The following ASB4 variants were observed in gnomAD, a reference collection of about 807,000 sequenced individuals.
ASB4 encodes ankyrin repeat and SOCS box containing 4, also known as ankyrin repeat and SOCS box protein 4.
ASB4 carries 35 observed loss-of-function variants against 38.6 expected under a neutral mutation model. The observed-to-expected ratio is 0.91, with a 90% confidence interval of 0.69 to 1.20. The LOEUF (loss-of-function observed/expected upper bound fraction) is 1.20, where lower values mean the gene tolerates loss of function less well. Among genes scored for constraint, ASB4 ranks in the 50% most tolerant of loss-of-function variants. The pLI is 0.00. For synonymous variants in ASB4, 195 were observed against 201.3 expected (o/e 0.97, Z 0.26); for missense variants, 557 against 527.2 (o/e 1.06, Z -0.55).
At chr7:95,490,336 C>G (rs1353522388) in intron 1 of ASB4, among the ~76,000 whole-genome samples, 2 of 152,124 alleles carry the variant, frequency 1.3e-5, no homozygotes, top group Non-Finnish European at 2.9e-5. Flanking sequence ...GGTTCTTTTC[C>G]TTTCTTCGAT....
chr7:95,528,005 A>G lies in ASB4; in HGVS notation c.680A>G (p.Tyr227Cys). 1.2e-6 allele frequency: 2 copies of G among 1,614,142 alleles called. No individual in the cohort carries two copies. Among genetic ancestry groups the G allele is most frequent in the South Asian group, 1.1e-5 (1 of 91,078 alleles). Residue 227 changes from tyrosine to cysteine, a missense_variant, in exon 3 of 5, where the codon TAC (tyrosine) becomes TGC (cysteine). Coordinates refer to ENST00000325885, the MANE Select transcript of ASB4 (RefSeq NM_016116.3). ...YWALRFKEQE[Y>C]STEHHLVCRM... ...GCCCTCCGCTTTAAGGAGCAGGAGT[A>G]CAGCACGGAGCACCACCTGGTCTGC... is the stretch of plus-strand genomic sequence containing the variant.
intron 1 of ASB4, among the ~76,000 whole-genome samples, chr7:95,495,019 A>G (rs1030309950): frequency 5.3e-5 from 8 of 152,224 alleles, no homozygotes; most frequent in Non-Finnish European, 8.8e-5. Flanking sequence ...GCAAATTTGC[A>G]ATGCCATTCT....
At chr7:95,473,288 G>A in the ASB4 span, among the ~76,000 whole-genome samples, 3 of 152,314 alleles carry the variant, frequency 2.0e-5, no homozygotes, top group Admixed American at 6.5e-5. Flanking sequence ...AGATACCCTT[G>A]TAAGGGCTTT....
chr7:95,544,020 C>G (rs1791002982), downstream of ASB4: 1 of 152,058 alleles, frequency 6.6e-6, no homozygotes, highest in South Asian at 2.1e-4. Flanking sequence ...AAATACAATT[C>G]TGATCCTTTA....
chr7:95,509,321 C>T (rs1416309430), intron 2 of ASB4, among the ~76,000 whole-genome samples: 1 of 151,790 alleles, frequency 6.6e-6, no homozygotes, highest in Non-Finnish European at 1.5e-5. Flanking sequence ...AAAAGAACAC[C>T]CAGCTATATA....
At chr7:95,488,900 A>T (rs1016527961) in intron 1 of ASB4, among the ~76,000 whole-genome samples, 2 of 152,226 alleles carry the variant, frequency 1.3e-5, no homozygotes, top group Non-Finnish European at 2.9e-5. Flanking sequence ...AATGCACAAA[A>T]CCTATAACGA....
At chr7:95,506,832 T>A (rs1790416445) in intron 2 of ASB4, among the ~76,000 whole-genome samples, 1 of 152,228 alleles carries the variant, frequency 6.6e-6, no homozygotes, top group Non-Finnish European at 1.5e-5. Flanking sequence ...AATTATTTCC[T>A]GGGTGAGTTC....
At chr7:95,507,946 T>TG (rs1214422474) in intron 2 of ASB4, among the ~76,000 whole-genome samples, 3 of 151,324 alleles carry the variant, frequency 2.0e-5, no homozygotes, top group South Asian at 2.1e-4. Context: ...GAAGTCAGAG[T>TG]GGGGGGGATT....
intron 2 of ASB4, among the ~76,000 whole-genome samples, chr7:95,500,741 GGAAC>G (rs1790324598): frequency 2.0e-5 from 3 of 152,024 alleles, no homozygotes; most frequent in Admixed American, 6.6e-5. Flanking sequence ...CTGAAAGACT[GGAAC>G]CTTTCAGTTA....
chr7:95,481,290 G>T (rs746708308), upstream of ASB4, among the ~76,000 whole-genome samples: 1 of 151,888 alleles, frequency 6.6e-6, no homozygotes, highest in Non-Finnish European at 1.5e-5. Flanking sequence ...CCAGTTGCTG[G>T]TGTTACTTAC....
At chr7:95,496,124 C>A (rs1790245230) in intron 2 of ASB4, 67 bp downstream of exon 2, 1 of 1,424,180 alleles carries the variant, frequency 7.0e-7, no homozygotes, top group African/African-American at 1.4e-5. Flanking sequence ...ACTTTGTGAC[C>A]CCTACCTACC....
At chr7:95,497,497 A>G (rs1020329807) in intron 2 of ASB4, among the ~76,000 whole-genome samples, 1 of 152,194 alleles carries the variant, frequency 6.6e-6, no homozygotes, top group African/African-American at 2.4e-5. Context: ...TTTTTGAGGT[A>G]AAGAAACTTG....
chr7:95,515,300 TCTTTCTTTCTTTCTTTCTTC>T (rs1433979514), intron 2 of ASB4, among the ~76,000 whole-genome samples: 15 of 129,320 alleles, frequency 1.2e-4, no homozygotes, highest in African/African-American at 3.4e-4. Flanking sequence ...TTTCTTTCTT[TCTTTCTTTCTTTCTTTCTTC>T]CTTCCTTCCT....
intron 2 of ASB4, among the ~76,000 whole-genome samples, chr7:95,502,283 T>C (rs1204824773): frequency 1.3e-5 from 2 of 152,154 alleles, no homozygotes; most frequent in South Asian, 2.1e-4. Flanking sequence ...AGCTATTTTG[T>C]TGTTGTTTGT....
chr7:95,517,781 C>T (rs1185586172), intron 2 of ASB4, among the ~76,000 whole-genome samples: 1 of 151,752 alleles, frequency 6.6e-6, no homozygotes, highest in African/African-American at 2.4e-5. Context: ...AGGAGTGTAT[C>T]GGTGGTGAGA....
At chr7:95,535,283 T>G (rs1199517823) in intron 3 of ASB4, among the ~76,000 whole-genome samples, 2 of 152,158 alleles carry the variant, frequency 1.3e-5, no homozygotes, top group Admixed American at 6.5e-5. Context: ...AGTAATAGGT[T>G]GAGGTTGATA....
chr7:95,503,869 T>A (rs1790373349), intron 2 of ASB4, among the ~76,000 whole-genome samples: 1 of 152,196 alleles, frequency 6.6e-6, no homozygotes, highest in African/African-American at 2.4e-5. Context: ...GCACCCAATT[T>A]TCTCTTAAAG....
At chr7:95,549,042 A>G in the ASB4 span, among the ~76,000 whole-genome samples, 1 of 152,152 alleles carries the variant, frequency 6.6e-6, no homozygotes, top group South Asian at 2.1e-4. Context: ...TTTTAAAACC[A>G]TTATGCTATC....
chr7:95,500,109 T>C (rs756475863), intron 2 of ASB4, among the ~76,000 whole-genome samples: 2 of 151,734 alleles, frequency 1.3e-5, no homozygotes, highest in East Asian at 1.9e-4. Context: ...GTTCGGATGG[T>C]TTTTCCCCTC....
Sources: gnomAD v4.1 joint callset for allele counts (sites outside exome capture counted in the v4.1 genomes callset) on GRCh38, gnomAD v4.1.1 for gene constraint, MANE v1.5 for transcripts, NCBI Gene and HGNC (gene_info 2026-07-23, HGNC 2026-07-21) for gene names.